The following PPM1H variants were observed in gnomAD, a reference collection of about 807,000 sequenced individuals.
PPM1H encodes the protein protein phosphatase, Mg2+/Mn2+ dependent 1H, also known as protein phosphatase 1H.
PPM1H carries 27 observed loss-of-function variants against 54.9 expected under a neutral mutation model. The observed-to-expected ratio is 0.49, with a 90% CI of 0.36 to 0.68. The LOEUF (loss-of-function observed/expected upper bound fraction) is 0.68, where lower values mean the gene tolerates loss of function less well. Ranked by LOEUF, PPM1H falls within the 30% of genes least tolerant of loss-of-function variation. The pLI is 0.00. For missense variants in PPM1H, 596 were observed against 667.8 expected, an observed-to-expected ratio of 0.89 and a Z score of 1.19; for synonymous variants, 305 against 270.8, an observed-to-expected ratio of 1.13 and a Z score of -1.24.
At position 62,903,585 on chromosome 12, in the gene PPM1H, A is replaced by C. The variant is rs778523711; in HGVS notation, c.245+30907T>G. Among the ~76,000 whole-genome samples, 15 of 152,304 alleles carry C rather than the reference A, an allele frequency of 9.8e-5. No homozygotes were observed. In the Middle Eastern group the frequency reaches 0.01, roughly 104 times the overall value. ...ACAAGAACTCTGTGATTTTAGATAC[A>C]CTCAGACAGAAAATCATGGAAAATA... On this transcript the variant is annotated intron_variant, in intron 1 of 9. Coordinates refer to ENST00000228705, the MANE Select transcript of PPM1H (RefSeq NM_020700.2).
intron 1 of PPM1H, among the ~76,000 whole-genome samples, chr12:62,903,272 A>G (rs1871211961): frequency 6.6e-6 from 1 of 152,214 alleles, no homozygotes; most frequent in African/African-American, 2.4e-5. Flanking sequence ...TAAGATTAAG[A>G]TAAAACAGCT....
chr12:62,909,717 A>G (rs1352240717), intron 1 of PPM1H, among the ~76,000 whole-genome samples: 1 of 152,108 alleles, frequency 6.6e-6, no homozygotes, highest in African/African-American at 2.4e-5. Flanking sequence ...AGCTGTCATC[A>G]CACTACATAT....
chr12:62,671,222 C>T (rs538585214), intron 8 of PPM1H, among the ~76,000 whole-genome samples: 1 of 152,216 alleles, frequency 6.6e-6, no homozygotes, highest in African/African-American at 2.4e-5. Flanking sequence ...AGGACTCAGA[C>T]ATCTGGAAGA....
At chr12:62,762,428 A>C (rs1259445642) in intron 4 of PPM1H, among the ~76,000 whole-genome samples, 1 of 152,186 alleles carries the variant, frequency 6.6e-6, no homozygotes, top group Non-Finnish European at 1.5e-5. Flanking sequence ...CCTTCCTCCA[A>C]GCTTGGCTTT....
chr12:62,754,235 TG>T (rs2076457450), intron 4 of PPM1H, among the ~76,000 whole-genome samples: 1 of 152,188 alleles, frequency 6.6e-6, no homozygotes, highest in Non-Finnish European at 1.5e-5. Context: ...TAGAAGACTA[TG>T]GATTCTGCAC....
intron 9 of PPM1H, among the ~76,000 whole-genome samples, chr12:62,663,828 C>T (rs1282829249): frequency 6.6e-6 from 1 of 152,006 alleles, no homozygotes; most frequent in Non-Finnish European, 1.5e-5. Flanking sequence ...CCCATCTCTA[C>T]TAAAAATACA....
intron 1 of PPM1H, among the ~76,000 whole-genome samples, chr12:62,927,856 T>C (rs1396729030): frequency 4.6e-5 from 7 of 152,084 alleles, no homozygotes; most frequent in Non-Finnish European, 1.0e-4. Context: ...GCTAATGAAT[T>C]AACAAACATT....
intron 2 of PPM1H, among the ~76,000 whole-genome samples, chr12:62,830,454 A>G (rs1395429787): frequency 6.6e-6 from 1 of 152,068 alleles, no homozygotes. Flanking sequence ...ACAGGGTGTC[A>G]CTGTGTTAGC....
chr12:62,743,307 T>C (rs372961792), intron 4 of PPM1H, among the ~76,000 whole-genome samples: 6 of 152,072 alleles, frequency 3.9e-5, no homozygotes, highest in African/African-American at 1.2e-4. Flanking sequence ...GAGCCGAAAC[T>C]GCACCACTGC....
intron 4 of PPM1H, among the ~76,000 whole-genome samples, chr12:62,764,522 G>C (rs1388230574): frequency 6.6e-6 from 1 of 152,194 alleles, no homozygotes; most frequent in Non-Finnish European, 1.5e-5. Context: ...GTGACCTTGA[G>C]TGTAACAGGA....
In PPM1H at chr12:62,920,891, A is replaced by G. The variant is rs148036763; in HGVS notation, c.245+13601T>C. Among the ~76,000 whole-genome samples the G allele has an allele frequency of 7.5e-3, 1,144 of 152,106 alleles. 16 individuals carry two copies. Among genetic ancestry groups the G allele is most frequent in the African/African-American group, 0.026 (1,082 of 41,498 alleles). On this transcript the variant is annotated intron_variant, in intron 1 of 9. Transcript: ENST00000228705. ...GACCACTTAAATATAGAAACTCAAT[A>G]ATCTATAGCATTTTTATGTAATTAA...
intron 4 of PPM1H, among the ~76,000 whole-genome samples, chr12:62,743,316 G>A (rs1054598974): frequency 6.6e-6 from 1 of 152,124 alleles, no homozygotes; most frequent in Admixed American, 6.5e-5. Context: ...CTGCACCACT[G>A]CACGCCAGCC....
rs376689900 is a variant in PPM1H at position 62,773,149 on chromosome 12, A to AAAAACAAAAC, written c.869+15067_869+15076dup. 7.9e-3 allele frequency among the ~76,000 whole-genome samples: 1,200 copies of AAAAACAAAAC among 152,058 alleles called. 17 individuals carry two copies. The highest frequency in any genetic ancestry group is 0.028 in the African/African-American group (1,150 of 41,354). ...GTGACAGAGCGAGACTCCGTCTCAA[A>AAAAACAAAAC]AAAACAAAACAAAACAAAACAAAAC... On this transcript the variant is annotated intron_variant, in intron 4 of 9. Coordinates refer to ENST00000228705, the MANE Select transcript of PPM1H (RefSeq NM_020700.2).
chr12:62,797,474 A>C (rs1281929296), intron 3 of PPM1H, among the ~76,000 whole-genome samples: 1 of 152,230 alleles, frequency 6.6e-6, no homozygotes, highest in Admixed American at 6.5e-5. Context: ...CAGGAAAATT[A>C]GAGAGTGGGT....
intron 1 of PPM1H, among the ~76,000 whole-genome samples, chr12:62,883,618 CT>C (rs1183693750): frequency 5.9e-5 from 9 of 152,174 alleles, no homozygotes; most frequent in African/African-American, 2.2e-4. Flanking sequence ...AAAGACTAAC[CT>C]GCTTGTAGTA....
At chr12:62,693,243 T>A (rs1212910936) in intron 7 of PPM1H, among the ~76,000 whole-genome samples, 1 of 152,220 alleles carries the variant, frequency 6.6e-6, no homozygotes. Flanking sequence ...AGAGACCACT[T>A]TAGGATCCAC....
At chr12:62,908,445 A>G in intron 1 of PPM1H, among the ~76,000 whole-genome samples, 1 of 150,574 alleles carries the variant, frequency 6.6e-6, no homozygotes, top group Non-Finnish European at 1.5e-5. Context: ...AAAGAAATTG[A>G]GTTTTGCTCA....
intron 1 of PPM1H, among the ~76,000 whole-genome samples, chr12:62,903,680 G>A (rs1481426144): frequency 6.6e-6 from 1 of 151,942 alleles, no homozygotes; most frequent in Non-Finnish European, 1.5e-5. Context: ...CTTAAGATTT[G>A]CAAACCTTAT....
In PPM1H at chr12:62,709,758, G is replaced by A. The variant is rs527912454; in HGVS notation, c.1073+10413C>T. Among the ~76,000 whole-genome samples, 5 of 152,304 alleles carry A rather than the reference G, an allele frequency of 3.3e-5. No individual in the cohort carries two copies. The South Asian group carries it at 1.0e-3, about 32-fold the overall frequency. ...AAGTTTGAAGAATAGGTTTAAAGGTGAAATGATATTGTTCAATAAATTTCC... is the reference window on the plus strand; with the variant it reads ...AAGTTTGAAGAATAGGTTTAAAGGTAAAATGATATTGTTCAATAAATTTCC... On this transcript the variant is annotated intron_variant, in intron 6 of 9. Coordinates refer to ENST00000228705, the MANE Select transcript of PPM1H (RefSeq NM_020700.2).
Sources: gnomAD v4.1 joint callset for allele counts (sites outside exome capture counted in the v4.1 genomes callset) on GRCh38, gnomAD v4.1.1 for gene constraint, MANE v1.5 for transcripts, NCBI Gene and HGNC (gene_info 2026-07-23, HGNC 2026-07-21) for gene names.